Variants in CNTN6 observed in about 807,000 individuals in gnomAD.
CNTN6 encodes the protein contactin-6.
Under a neutral mutation model 122.8 loss-of-function variants are expected in CNTN6, and 137 were observed. That is an observed-to-expected ratio of 1.12 (90% confidence interval 0.97 to 1.29). The LOEUF is 1.29. CNTN6 is among the 50% of genes most tolerant of loss of function. The pLI, the probability that CNTN6 is intolerant of heterozygous loss-of-function variation, is 0.00. For synonymous variants in CNTN6, 570 were observed against 426.0 expected (o/e 1.34, Z -4.16); for missense variants, 1,634 against 1,223.4 (o/e 1.34, Z -5.01).
chr3:1,389,952 T>A (rs1202476762), intron 20 of CNTN6, among the ~76,000 whole-genome samples: 2 of 150,120 alleles, frequency 1.3e-5, no homozygotes, highest in East Asian at 3.9e-4. Context: ...CTCCCACACA[T>A]TAATAATGGG....
intron 2 of CNTN6, among the ~76,000 whole-genome samples, chr3:1,191,850 G>A (rs1271680891): frequency 6.6e-6 from 1 of 152,140 alleles, no homozygotes; most frequent in East Asian, 1.9e-4. Flanking sequence ...AGAATTACTT[G>A]CTGTAAAAGA....
chr3:1,321,004 T>C (rs962478462), intron 7 of CNTN6, among the ~76,000 whole-genome samples: 3 of 151,682 alleles, frequency 2.0e-5, no homozygotes, highest in Non-Finnish European at 4.4e-5. Context: ...TGTTTTACTT[T>C]TTTTTAAATC....
At chr3:1,126,984 C>T (rs952529901) in intron 1 of CNTN6, among the ~76,000 whole-genome samples, 4 of 151,570 alleles carry the variant, frequency 2.6e-5, no homozygotes, top group Non-Finnish European at 4.4e-5. Context: ...TAGACATCTG[C>T]ATACATATGT....
chr3:1,259,903 T>A (rs1420127555), intron 4 of CNTN6, among the ~76,000 whole-genome samples: 5 of 152,116 alleles, frequency 3.3e-5, no homozygotes, highest in Middle Eastern at 6.4e-3. Flanking sequence ...ATATTAGTCA[T>A]TTTTATTTAG....
intron 1 of CNTN6, among the ~76,000 whole-genome samples, chr3:1,135,146 T>A (rs1370492630): frequency 1.3e-5 from 2 of 152,220 alleles, no homozygotes; most frequent in Non-Finnish European, 2.9e-5. Flanking sequence ...CTTAAGATAC[T>A]GAGATGAAAT....
intron 2 of CNTN6, among the ~76,000 whole-genome samples, chr3:1,193,560 A>G (rs2093732477): frequency 1.3e-5 from 2 of 152,144 alleles, no homozygotes. Flanking sequence ...GTTCCTGCAT[A>G]TTATTTCTCT....
chr3:1,316,582 A>G (rs188352204), intron 7 of CNTN6, among the ~76,000 whole-genome samples: 2 of 151,996 alleles, frequency 1.3e-5, no homozygotes, highest in East Asian at 1.9e-4. Context: ...ACATTTTTAC[A>G]TGAGATTTGG....
intron 1 of CNTN6, among the ~76,000 whole-genome samples, chr3:1,119,620 G>A (rs967251964): frequency 6.6e-6 from 1 of 151,526 alleles, no homozygotes; most frequent in Admixed American, 6.6e-5. Context: ...CAGAACTTCA[G>A]TTACTAGATA....
chr3:1,270,438 C>G (rs1183289409), intron 4 of CNTN6, among the ~76,000 whole-genome samples: 1 of 152,134 alleles, frequency 6.6e-6, no homozygotes, highest in Non-Finnish European at 1.5e-5. Context: ...TTCTGTGAGA[C>G]TTATGCAGAT....
chr3:1,291,321 C>G (rs1052576522), intron 5 of CNTN6, among the ~76,000 whole-genome samples: 1 of 152,130 alleles, frequency 6.6e-6, no homozygotes, highest in African/African-American at 2.4e-5. Flanking sequence ...GAAGGACACA[C>G]CACATGTAGG....
intron 1 of CNTN6, among the ~76,000 whole-genome samples, chr3:1,095,361 C>T (rs2090470160): frequency 1.3e-5 from 2 of 152,242 alleles, no homozygotes; most frequent in Non-Finnish European, 2.9e-5. Flanking sequence ...GTCACAGCTA[C>T]TCAGGAAGCT....
intron 2 of CNTN6, among the ~76,000 whole-genome samples, chr3:1,215,837 A>T: frequency 6.6e-6 from 1 of 151,918 alleles, no homozygotes; most frequent in South Asian, 2.1e-4. Context: ...TCTGGGAACA[A>T]TTTTTTTTCT....
chr3:1,351,595 C>A, intron 11 of CNTN6, among the ~76,000 whole-genome samples: 1 of 148,750 alleles, frequency 6.7e-6, no homozygotes. Flanking sequence ...GTGCTTTAGA[C>A]TATGCTAGAG....
In CNTN6 at chr3:1,152,223, C is replaced by A. The variant is rs148903010; in HGVS notation, c.55+4160C>A. ...GCGTGATATCAGCTCACTGCAACCTCCACCTCCTGGGTTCATACAATTCTC... is the reference window on the plus strand; with the variant it reads ...GCGTGATATCAGCTCACTGCAACCTACACCTCCTGGGTTCATACAATTCTC... On this transcript the variant is annotated intron_variant, in intron 2 of 22. Coordinates refer to ENST00000446702, the MANE Select transcript of CNTN6 (RefSeq NM_001289080.2). Among the ~76,000 whole-genome samples the A allele has an allele frequency of 6.7e-3, 1,012 of 152,042 alleles. 12 individuals carry two copies. Among genetic ancestry groups the A allele is most frequent in the African/African-American group, 0.023 (961 of 41,490 alleles).
chr3:1,290,924 A>G (rs975048669), intron 5 of CNTN6, among the ~76,000 whole-genome samples: 1 of 152,092 alleles, frequency 6.6e-6, no homozygotes, highest in Admixed American at 6.6e-5. Context: ...TACGATCTGT[A>G]TCTTGTGCTG....
rs890087455 is a variant in CNTN6, at chr3:1,383,165, C to G, written c.2390C>G (p.Ser797Cys). 2.5e-6 allele frequency: 4 copies of G among 1,612,394 alleles called. No individual in the cohort carries two copies. The highest frequency in any genetic ancestry group is 1.7e-5 in the Admixed American group (1 of 59,966). Reference protein sequence around the residue: ...GSLSTVTIVYSGEDEPQLAPR... With the variant: ...GSLSTVTIVYCGEDEPQLAPR... ...CTGAGTACTGTGACCATTGTCTACTCTGGGGAAGATGGTAAGTTGTCCTCA... is the reference window on the plus strand; with the variant it reads ...CTGAGTACTGTGACCATTGTCTACTGTGGGGAAGATGGTAAGTTGTCCTCA... The change falls in exon 18 of 23, where the codon TCT becomes TGT. Residue 797 changes from serine (S) to cysteine (C), a missense_variant. Physicochemically the swap from Ser to Cys is moderately radical, Grantham distance 112 (BLOSUM62 -1). Coordinates refer to ENST00000446702, the MANE Select transcript of CNTN6 (RefSeq NM_001289080.2).
chr3:1,094,628 C>CTT (rs2090424212), intron 1 of CNTN6, among the ~76,000 whole-genome samples: 1 of 151,750 alleles, frequency 6.6e-6, no homozygotes, highest in South Asian at 2.1e-4. Flanking sequence ...TGTAGCTTTC[C>CTT]TTAATGAAAA....
intron 16 of CNTN6, among the ~76,000 whole-genome samples, chr3:1,374,857 G>T (rs1030459088): frequency 6.6e-6 from 1 of 152,030 alleles, no homozygotes. Context: ...TAAAGATAAT[G>T]TTATATGTTT....
chr3:1,314,856 T>C (rs1293642859), intron 7 of CNTN6, among the ~76,000 whole-genome samples: 1 of 151,964 alleles, frequency 6.6e-6, no homozygotes, highest in Non-Finnish European at 1.5e-5. Flanking sequence ...ATTTAGAAAA[T>C]AGGAACAAAA....
Sources: gnomAD v4.1 joint callset for allele counts (sites outside exome capture counted in the v4.1 genomes callset) on GRCh38, gnomAD v4.1.1 for gene constraint, MANE v1.5 for transcripts, NCBI Gene and HGNC (gene_info 2026-07-23, HGNC 2026-07-21) for gene names.